SOX5: variants seen among roughly 807,000 people sequenced by gnomAD.
SOX5 encodes the protein transcription factor SOX-5.
SOX5 carries 9 observed loss-of-function variants against 92.0 expected under a neutral mutation model. The observed-to-expected ratio is 0.10, with a 90% CI of 0.06 to 0.17. The LOEUF (loss-of-function observed/expected upper bound fraction) is 0.17, where lower values mean the gene tolerates loss of function less well. SOX5 is among the 10% of genes least tolerant of loss of function. The pLI is 1.00. For synonymous variants in SOX5, 344 were observed against 336.3 expected (o/e 1.02, Z -0.25); for missense variants, 642 against 944.5 (o/e 0.68, Z 4.20).
intron 8 of SOX5, among the ~76,000 whole-genome samples, chr12:23,632,416 A>G (rs1439867071): frequency 6.6e-6 from 1 of 152,166 alleles, no homozygotes; most frequent in Non-Finnish European, 1.5e-5. Context: ...AACACTTAAC[A>G]AGTATACATC....
rs1480326586 is a variant in SOX5, at chr12:23,578,942, CAAAGCA to C, written c.1165-3110_1165-3105del. 8.0e-3 allele frequency among the ~76,000 whole-genome samples: 557 copies of C among 69,760 alleles called. 3 individuals carry two copies. Among genetic ancestry groups the C allele is most frequent in the African/African-American group, 0.02 (529 of 26,600 alleles). The allele number at this position is 69,760 out of a possible 152,430, so 45.8% of individuals were successfully genotyped here. A position where few individuals can be genotyped will look rare whatever the true frequency, so the allele number is the denominator to read the frequency against. On this transcript the variant is annotated intron_variant, in intron 9 of 14. Coordinates refer to ENST00000451604, the MANE Select transcript of SOX5 (RefSeq NM_006940.6). Reference sequence around the variant, plus strand: ...GTGAAGAGAAGAAAAAGAAACAAAACAAAGCAAAGCAAAGCAAAGCAAAGAAAAAGA... The same window carrying C: ...GTGAAGAGAAGAAAAAGAAACAAAACAAGCAAAGCAAAGCAAAGAAAAAGA...
intron 6 of SOX5, among the ~76,000 whole-genome samples, chr12:23,671,819 G>A (rs1312361502): frequency 6.6e-6 from 1 of 152,118 alleles, no homozygotes; most frequent in African/African-American, 2.4e-5. Context: ...CATTGGAGTT[G>A]TATCACCTCT....
chr12:24,501,248 A>T (rs1157801961), intron 1 of SOX5, among the ~76,000 whole-genome samples: 1 of 152,014 alleles, frequency 6.6e-6, no homozygotes, highest in Admixed American at 6.6e-5. Flanking sequence ...TTTTAGCACC[A>T]AGGTTGTGAT....
intron 4 of SOX5, among the ~76,000 whole-genome samples, chr12:24,171,216 TG>T (rs370699846): frequency 0.48 from 23,209 of 48,510 alleles, 6,842 homozygotes; most frequent in Non-Finnish European, 0.53. Context: ...CAGTTTTTTT[TG>T]TTTGTTTGTT....
intron 3 of SOX5, among the ~76,000 whole-genome samples, chr12:23,788,042 AACAAAAAG>A (rs1360531994): frequency 1.7e-4 from 26 of 151,946 alleles, no homozygotes; most frequent in Admixed American, 1.4e-3. Flanking sequence ...TACTAGATAT[AACAAAAAG>A]ACTAAATACT....
chr12:23,998,007 A>C (rs954935917), intron 4 of SOX5, among the ~76,000 whole-genome samples: 1 of 152,156 alleles, frequency 6.6e-6, no homozygotes, highest in African/African-American at 2.4e-5. Context: ...CTGTATTATC[A>C]AATTGTACAG....
intron 2 of SOX5, among the ~76,000 whole-genome samples, chr12:23,892,194 G>T (rs980860153): frequency 6.6e-5 from 10 of 152,118 alleles, no homozygotes; most frequent in Non-Finnish European, 1.3e-4. Flanking sequence ...TAACCATTTT[G>T]CCTTGGGAGG....
chr12:24,418,928 G>A (rs1596452664), intron 1 of SOX5, among the ~76,000 whole-genome samples: 1 of 152,306 alleles, frequency 6.6e-6, no homozygotes, highest in Middle Eastern at 3.4e-3. Context: ...TTTCAGATCA[G>A]TAGAACATCA....
intron 3 of SOX5, among the ~76,000 whole-genome samples, chr12:24,217,181 GT>G (rs1371522868): frequency 1.3e-5 from 2 of 152,154 alleles, no homozygotes; most frequent in African/African-American, 4.8e-5. Context: ...CCTTAAAGGG[GT>G]TCTTAGGAAC....
At chr12:23,544,447 T>C (rs143855068) in intron 12 of SOX5, among the ~76,000 whole-genome samples, 16 of 152,218 alleles carry the variant, frequency 1.1e-4, no homozygotes, top group African/African-American at 3.6e-4. Context: ...GTAGAGACTG[T>C]ATTATCAACA....
rs61910420 is a variant in SOX5, at chr12:24,449,179, A to C, written c.-250-80540T>G. Reference sequence around the variant, plus strand: ...TCAGAGGGAAGACTACACAGTCTACAACCTCCTTACCCCTTCTTACAAACC... The same window carrying C: ...TCAGAGGGAAGACTACACAGTCTACCACCTCCTTACCCCTTCTTACAAACC... On this transcript the variant is annotated intron_variant, in intron 1 of 4. Transcript: ENST00000446891. Among the ~76,000 whole-genome samples, 6 of 152,242 alleles carry C rather than the reference A, an allele frequency of 3.9e-5. No individual in the cohort carries two copies. In the East Asian group the frequency reaches 7.7e-4, roughly 20 times the overall value.
intron 7 of SOX5, among the ~76,000 whole-genome samples, chr12:23,651,691 G>C (rs918101468): frequency 6.6e-6 from 1 of 151,970 alleles, no homozygotes; most frequent in Non-Finnish European, 1.5e-5. Context: ...TCAGAGGAGG[G>C]GCTGAGATTG....
At chr12:24,069,700 C>G (rs1941461497) in intron 4 of SOX5, among the ~76,000 whole-genome samples, 1 of 152,228 alleles carries the variant, frequency 6.6e-6, no homozygotes. Flanking sequence ...GAACTTCTAG[C>G]ATCCTAATGC....
chr12:23,778,207 C>T (rs560216689), intron 3 of SOX5, among the ~76,000 whole-genome samples: 6 of 152,314 alleles, frequency 3.9e-5, no homozygotes, highest in African/African-American at 1.4e-4. Context: ...AATATTGAAT[C>T]ATGACTTTAA....
At chr12:23,560,677 C>T (rs1338103231) in intron 11 of SOX5, among the ~76,000 whole-genome samples, 1 of 152,202 alleles carries the variant, frequency 6.6e-6, no homozygotes, top group Admixed American at 6.5e-5. Context: ...CTACCACCGT[C>T]TCTAATACAT....
intron 1 of SOX5, among the ~76,000 whole-genome samples, chr12:24,519,849 T>A (rs939601697): frequency 6.6e-6 from 1 of 152,066 alleles, no homozygotes; most frequent in Non-Finnish European, 1.5e-5. Flanking sequence ...TCCAAAATGA[T>A]CAATCCACAG....
At chr12:24,283,600 C>T (rs906963219) in intron 2 of SOX5, among the ~76,000 whole-genome samples, 16 of 152,262 alleles carry the variant, frequency 1.1e-4, no homozygotes, top group African/African-American at 3.6e-4. Flanking sequence ...TTTTTAAGAA[C>T]CAAGAACCTA....
chr12:23,759,032 C>CACAG (rs1442265539), intron 3 of SOX5, among the ~76,000 whole-genome samples: 1 of 7,422 alleles, frequency 1.3e-4, no homozygotes, highest in African/African-American at 1.5e-4. Context: ...CACACACAGA[C>CACAG]ACACACACAC....
chr12:24,138,344 CATTT>C lies in SOX5; in HGVS notation c.-2+74995_-2+74998del, dbSNP rs1411610761. On this transcript the variant is annotated intron_variant, in intron 4 of 4. Coordinates refer to the SOX5 transcript ENST00000446891. ...GAATATTCTCTTACATCGCAGTTTG[CATTT>C]ATTTTACAAGGGCTATATTGATCTT... 1.1e-4 allele frequency among the ~76,000 whole-genome samples: 16 copies of C among 152,212 alleles called. No individual in the cohort carries two copies. In the East Asian group the frequency reaches 2.9e-3, roughly 28 times the overall value.
Sources: gnomAD v4.1 joint callset for allele counts (sites outside exome capture counted in the v4.1 genomes callset) on GRCh38, gnomAD v4.1.1 for gene constraint, MANE v1.5 for transcripts, NCBI Gene and HGNC (gene_info 2026-07-23, HGNC 2026-07-21) for gene names.